The following SCHIP1 variants were observed in gnomAD, a reference collection of about 807,000 sequenced individuals.
SCHIP1 encodes schwannomin interacting protein 1.
In SCHIP1, 8 loss-of-function variants were observed where a neutral mutation model predicts 29.7. That is an observed-to-expected ratio of 0.27 (90% CI 0.16 to 0.49). SCHIP1 has a LOEUF of 0.49. SCHIP1 is among the 20% of genes least tolerant of loss of function. The probability of loss-of-function intolerance (pLI) is 0.99; values close to 1 mark genes in which losing one functional copy is unlikely to be tolerated. For missense variants in SCHIP1, 193 were observed against 294.6 expected (o/e 0.66, Z 2.52); for synonymous variants, 76 against 94.9 (o/e 0.80, Z 1.16).
chr3:159,806,046 G>T, the SCHIP1 span, among the ~76,000 whole-genome samples: 2 of 152,234 alleles, frequency 1.3e-5, no homozygotes, highest in East Asian at 3.9e-4. Context: ...CTGACCTCAG[G>T]TGATCCACCC....
At chr3:159,771,960 C>T in the SCHIP1 span, among the ~76,000 whole-genome samples, 2 of 152,084 alleles carry the variant, frequency 1.3e-5, no homozygotes, top group African/African-American at 4.8e-5. Context: ...AGGCAGATAT[C>T]CTCATCACAC....
At chr3:159,659,912 A>C in the SCHIP1 span, among the ~76,000 whole-genome samples, 3 of 152,186 alleles carry the variant, frequency 2.0e-5, no homozygotes, top group Admixed American at 2.0e-4. Context: ...AAAGACAGGC[A>C]GATCTATCGT....
the SCHIP1 span, among the ~76,000 whole-genome samples, chr3:159,362,407 A>G: frequency 3.9e-5 from 6 of 152,188 alleles, no homozygotes; most frequent in Non-Finnish European, 7.3e-5. Flanking sequence ...ACAATTGCTT[A>G]TATTTCAGCT....
the SCHIP1 span, among the ~76,000 whole-genome samples, chr3:159,700,501 C>T: frequency 6.6e-6 from 1 of 152,032 alleles, no homozygotes; most frequent in African/African-American, 2.4e-5. Flanking sequence ...GTGTTCACTG[C>T]TTTATTGTTT....
At chr3:159,856,383 A>G (rs111878001) in intron 1 of SCHIP1, among the ~76,000 whole-genome samples, 4 of 152,254 alleles carry the variant, frequency 2.6e-5, no homozygotes, top group African/African-American at 9.6e-5. Context: ...GTGGACTTCT[A>G]AAGTGTGCAG....
chr3:159,853,953 A>G (rs868769252), intron 1 of SCHIP1, among the ~76,000 whole-genome samples: 7 of 150,940 alleles, frequency 4.6e-5, no homozygotes, highest in Non-Finnish European at 1.0e-4. Flanking sequence ...GTCAGTAAAT[A>G]TATTTTGAGA....
At chr3:159,405,904 A>G in the SCHIP1 span, among the ~76,000 whole-genome samples, 1 of 151,422 alleles carries the variant, frequency 6.6e-6, no homozygotes, top group East Asian at 1.9e-4. Context: ...AAGAAAAGAA[A>G]AGGAAAATGC....
chr3:159,850,383 G>A (rs188211748), intron 1 of SCHIP1, among the ~76,000 whole-genome samples: 5 of 151,980 alleles, frequency 3.3e-5, no homozygotes, highest in Admixed American at 6.6e-5. Context: ...GTGAAGCCCC[G>A]TTTCTACTAA....
At chr3:159,594,633 C>T in the SCHIP1 span, among the ~76,000 whole-genome samples, 4 of 152,116 alleles carry the variant, frequency 2.6e-5, no homozygotes, top group South Asian at 2.1e-4. Context: ...ATACAGAAAG[C>T]GATGGTGCTC....
the SCHIP1 span, among the ~76,000 whole-genome samples, chr3:159,584,592 A>T: frequency 6.6e-6 from 1 of 152,190 alleles, no homozygotes; most frequent in Non-Finnish European, 1.5e-5. Flanking sequence ...ACTGAAGTCC[A>T]GGACAGACTT....
the SCHIP1 span, among the ~76,000 whole-genome samples, chr3:159,636,349 A>C: frequency 6.6e-6 from 1 of 152,308 alleles, no homozygotes; most frequent in South Asian, 2.1e-4. Context: ...CACCCAGCCT[A>C]ATTTTGCAAT....
the SCHIP1 span, among the ~76,000 whole-genome samples, chr3:159,756,601 C>T: frequency 3.9e-5 from 6 of 152,222 alleles, no homozygotes; most frequent in South Asian, 6.2e-4. Context: ...CTCCTTGTTA[C>T]TTATGCAAAT....
chr3:159,888,274 C>T (rs974984839), intron 4 of SCHIP1: 2 of 288,446 alleles, frequency 6.9e-6, no homozygotes, highest in Admixed American at 4.9e-5. Flanking sequence ...AAGACAATAT[C>T]ACATAGTGAA....
the SCHIP1 span, among the ~76,000 whole-genome samples, chr3:159,328,500 T>C: frequency 2.0e-5 from 3 of 151,780 alleles, no homozygotes; most frequent in African/African-American, 7.3e-5. Context: ...AAAAAGGCTA[T>C]GTAGAGGGTG....
At chr3:159,765,343 G>A in the SCHIP1 span, 1 of 574,836 alleles carries the variant, frequency 1.7e-6, no homozygotes, top group Non-Finnish European at 2.8e-6. Context: ...TGCAGGATGG[G>A]CGGAGAGGAA....
the SCHIP1 span, among the ~76,000 whole-genome samples, chr3:159,773,996 G>A: frequency 5.0e-3 from 762 of 152,296 alleles, 5 homozygotes; most frequent in Non-Finnish European, 7.9e-3. Context: ...TTCTTATTCC[G>A]ACTTGTATGC....
chr3:159,743,193 T>C, the SCHIP1 span, among the ~76,000 whole-genome samples: 1 of 152,366 alleles, frequency 6.6e-6, no homozygotes, highest in Admixed American at 6.5e-5. Flanking sequence ...GCTCTAGTGT[T>C]TGTCATTTTA....
At chr3:159,397,458 A>G in the SCHIP1 span, among the ~76,000 whole-genome samples, 1 of 151,800 alleles carries the variant, frequency 6.6e-6, no homozygotes, top group South Asian at 2.1e-4. Flanking sequence ...GGTTTTATCT[A>G]CTTTTGGTCT....
At chr3:159,851,747 A>G (rs1577431422) in intron 1 of SCHIP1, among the ~76,000 whole-genome samples, 1 of 152,292 alleles carries the variant, frequency 6.6e-6, no homozygotes, top group East Asian at 1.9e-4. Flanking sequence ...TGTGGCCAGC[A>G]TTGCCACAGC....
Sources: allele counts gnomAD v4.1 joint callset (sites outside exome capture counted in the v4.1 genomes callset), GRCh38; gene constraint gnomAD v4.1.1; transcripts MANE v1.5; gene names NCBI Gene and HGNC (gene_info 2026-07-23, HGNC 2026-07-21).